ZBBX: variants seen among roughly 807,000 people sequenced by gnomAD.
ZBBX encodes zinc finger B-box domain containing, also known as zinc finger B-box domain-containing protein 1.
ZBBX carries 101 observed loss-of-function variants against 108.5 expected under a neutral mutation model. That is an observed-to-expected ratio of 0.93 (90% CI 0.79 to 1.10). ZBBX has a LOEUF of 1.10. Among genes scored for constraint, ZBBX ranks in the 50% least tolerant of loss-of-function variants. The pLI is 0.00. For synonymous variants in ZBBX, 356 were observed against 323.4 expected (o/e 1.10, Z -1.08); for missense variants, 1,009 against 941.4 (o/e 1.07, Z -0.94).
the ZBBX span, among the ~76,000 whole-genome samples, chr3:167,179,301 G>C: frequency 1.1e-4 from 17 of 152,242 alleles, no homozygotes; most frequent in Non-Finnish European, 1.8e-4. Context: ...GTTGGGCATT[G>C]CTGGATAATA....
At chr3:167,285,527 A>T (rs1729550427) in intron 19 of ZBBX, among the ~76,000 whole-genome samples, 1 of 152,070 alleles carries the variant, frequency 6.6e-6, no homozygotes, top group Admixed American at 6.6e-5. Context: ...ATTTAGCAGC[A>T]TGGTTAAGTG....
intron 20 of ZBBX, among the ~76,000 whole-genome samples, chr3:167,253,304 C>G (rs921338245): frequency 6.6e-6 from 1 of 151,986 alleles, no homozygotes; most frequent in Non-Finnish European, 1.5e-5. Context: ...AAAGAACAGG[C>G]TAGTCTCACC....
At chr3:167,347,904 A>G (rs957079942) in intron 9 of ZBBX, among the ~76,000 whole-genome samples, 7 of 152,080 alleles carry the variant, frequency 4.6e-5, no homozygotes, top group African/African-American at 1.2e-4. Flanking sequence ...CTTTAAATTT[A>G]TATACATAAA....
chr3:167,296,903 A>T (rs1384156130), intron 18 of ZBBX, among the ~76,000 whole-genome samples: 1 of 151,980 alleles, frequency 6.6e-6, no homozygotes, highest in Non-Finnish European at 1.5e-5. Flanking sequence ...ATCACCAGGG[A>T]CCCTGAATAG....
chr3:167,367,279 A>G (rs1381006428), intron 5 of ZBBX, among the ~76,000 whole-genome samples: 3 of 151,888 alleles, frequency 2.0e-5, no homozygotes, highest in Admixed American at 1.3e-4. Flanking sequence ...GTAAAATGCA[A>G]ATAACACATT....
rs548783094 is a variant in ZBBX, at chr3:167,358,663, G to A, written c.432+1207C>T. ...TTAAGAGAGGATATATAGTCTAGGC[G>A]TGGTGGCTCACACCTGTAATCCCAG... is the stretch of plus-strand genomic sequence containing the variant. On this transcript the variant is annotated intron_variant, in intron 8 of 21. Transcript: ENST00000675490. Among the ~76,000 whole-genome samples the A allele has an allele frequency of 3.0e-4, 46 of 152,096 alleles. 1 individual carries two copies. The South Asian group carries it at 7.3e-3, about 24-fold the overall frequency.
intron 10 of ZBBX, chr3:167,331,704 A>G: frequency 1.4e-6 from 1 of 736,640 alleles, no homozygotes; most frequent in Non-Finnish European, 1.7e-6. Context: ...AAGAAATTTG[A>G]AGACGCACAT....
chr3:167,405,930 G>T (rs1412960651), intron 1 of ZBBX, among the ~76,000 whole-genome samples: 1 of 152,184 alleles, frequency 6.6e-6, no homozygotes. Flanking sequence ...CCCTGGGGTG[G>T]TGGCAGGTGC....
intron 20 of ZBBX, among the ~76,000 whole-genome samples, chr3:167,251,192 T>A (rs1247533871): frequency 1.3e-5 from 2 of 152,130 alleles, no homozygotes; most frequent in East Asian, 3.9e-4. Flanking sequence ...GCTCCCCCAG[T>A]GGTGGTGAGC....
At chr3:167,307,554 A>G (rs999134545) in intron 16 of ZBBX, among the ~76,000 whole-genome samples, 1 of 152,162 alleles carries the variant, frequency 6.6e-6, no homozygotes, top group Non-Finnish European at 1.5e-5. Context: ...GCATCATGCT[A>G]CCCAACTTCA....
At chr3:167,398,102 T>A (rs1748308548) in intron 1 of ZBBX, among the ~76,000 whole-genome samples, 1 of 152,040 alleles carries the variant, frequency 6.6e-6, no homozygotes. Context: ...GAGCTTCAAT[T>A]CTTGTTCAGT....
At chr3:167,349,198 C>T (rs897507191) in intron 9 of ZBBX, among the ~76,000 whole-genome samples, 1 of 152,032 alleles carries the variant, frequency 6.6e-6, no homozygotes, top group Non-Finnish European at 1.5e-5. Context: ...AGAAAATGTG[C>T]TCAATAAATC....
At position 167,270,987 on chromosome 3, in the gene ZBBX, G is replaced by C. The variant is rs541393574; in HGVS notation, c.2254+11251C>G. On this transcript the variant is annotated intron_variant, in intron 20 of 21. Transcript: ENST00000675490. ...CACTTATTCATAGATGGTTCCTCCT[G>C]GGTGATTGAGGGAAAAAGACACAAT... Among the ~76,000 whole-genome samples, 4 of 152,276 alleles carry C rather than the reference G, an allele frequency of 2.6e-5. No individual in the cohort carries two copies. The East Asian group carries it at 7.7e-4, about 29-fold the overall frequency.
intron 17 of ZBBX, 75 bp downstream of exon 17, chr3:167,305,568 G>T (rs989153020): frequency 1.8e-6 from 2 of 1,141,706 alleles, no homozygotes; most frequent in African/African-American, 3.2e-5. Context: ...ACTTGAGAAT[G>T]TATTGTGTCA....
chr3:167,336,507 C>T (rs985292485), intron 9 of ZBBX, among the ~76,000 whole-genome samples: 4 of 152,088 alleles, frequency 2.6e-5, no homozygotes, highest in African/African-American at 9.7e-5. Flanking sequence ...AGAAAGAGAG[C>T]AGATATTATG....
At chr3:167,265,767 T>C (rs1434416511) in intron 20 of ZBBX, among the ~76,000 whole-genome samples, 1 of 152,242 alleles carries the variant, frequency 6.6e-6, no homozygotes, top group Non-Finnish European at 1.5e-5. Context: ...TTCTGACCGC[T>C]GGAATGGATG....
At chr3:167,324,897 ACTT>A (rs1003517031) in intron 11 of ZBBX, among the ~76,000 whole-genome samples, 3 of 152,220 alleles carry the variant, frequency 2.0e-5, no homozygotes, top group East Asian at 1.9e-4. Context: ...AAGCCTTCCA[ACTT>A]CTTCTTCTAC....
chr3:167,340,798 G>GA (rs1235373620), intron 9 of ZBBX, among the ~76,000 whole-genome samples: 5 of 150,458 alleles, frequency 3.3e-5, no homozygotes, highest in Non-Finnish European at 5.9e-5. Context: ...AACTGGAAAA[G>GA]AAAAAAAAAT....
intron 20 of ZBBX, among the ~76,000 whole-genome samples, chr3:167,243,694 C>T (rs531865801): frequency 6.6e-6 from 1 of 151,546 alleles, no homozygotes; most frequent in East Asian, 1.9e-4. Context: ...AATAAACCTC[C>T]TCCTGGTCAC....
Sources: gnomAD v4.1 joint callset for allele counts (sites outside exome capture counted in the v4.1 genomes callset) on GRCh38, gnomAD v4.1.1 for gene constraint, MANE v1.5 for transcripts, NCBI Gene and HGNC (gene_info 2026-07-23, HGNC 2026-07-21) for gene names.